The following ANKMY1 variants were observed in gnomAD, a reference collection of about 807,000 sequenced individuals.
ANKMY1 encodes ankyrin repeat and MYND domain-containing protein 1.
Under a neutral mutation model 102.0 loss-of-function variants are expected in ANKMY1, and 98 were observed. The ratio of observed to expected loss-of-function variants is 0.96; its 90% confidence interval spans 0.82 to 1.14. The LOEUF is 1.14. Among genes scored for constraint, ANKMY1 ranks in the 50% most tolerant of loss-of-function variants. The pLI, the probability that ANKMY1 is intolerant of heterozygous loss-of-function variation, is 0.00. For missense variants in ANKMY1, 1,330 were observed against 1,347.6 expected (o/e 0.99, Z 0.20); for synonymous variants, 582 against 559.9 (o/e 1.04, Z -0.56).
intron 11 of ANKMY1, among the ~76,000 whole-genome samples, chr2:240,511,149 C>T (rs1032355936): frequency 3.3e-5 from 5 of 152,200 alleles, no homozygotes; most frequent in Admixed American, 1.3e-4. Context: ...TGCCCATCCC[C>T]ATCCCAGTGT....
In ANKMY1 at chr2:240,499,807, A is replaced by T; in HGVS notation, c.2806+151T>A. On this transcript the variant is annotated intron_variant, in intron 15 of 17. Coordinates refer to ENST00000401804, the MANE Select transcript of ANKMY1 (RefSeq NM_001282771.3). This position sits in a 1 kb window ranked among gnomAD's most constrained non-coding sequence, Gnocchi z 4.2. Reference sequence around the variant, plus strand: ...CTCTCCTGGACGAGCTCCTTGGACGACGGGACACAAAGGGGACAAGCCGAC... The same window carrying T: ...CTCTCCTGGACGAGCTCCTTGGACGTCGGGACACAAAGGGGACAAGCCGAC... 1 of 1,019,608 alleles carries T rather than the reference A, an allele frequency of 9.8e-7. No homozygotes were observed. The highest frequency in any genetic ancestry group is 1.8e-5 in the South Asian group (1 of 55,582). The allele number at this position is 1,019,608 out of a possible 1,614,324, so 63.2% of individuals were successfully genotyped here.
rs1283343636 is a variant in ANKMY1 at position 240,557,300 on chromosome 2, G to A, written c.36C>T (p.Asp12=). 11 of 1,589,808 alleles carry A rather than the reference G, an allele frequency of 6.9e-6. No individual in the cohort carries two copies. Among genetic ancestry groups the A allele is most frequent in the Middle Eastern group, 1.7e-4 (1 of 5,992 alleles). The change falls in exon 2 of 18, where the codon GAC becomes GAT. Residue 12 remains aspartate (D), a synonymous_variant. Transcript: ENST00000401804. ...GGCGGCTGCCAGCCCCAGAGACTTC[G>A]TCCTCTAAGCTAAGGGAGGCATGGG... ...EGAHASLSLE[D]EVSGAGSRQR... is the part of the protein sequence containing the mutation.
intron 15 of ANKMY1, among the ~76,000 whole-genome samples, chr2:240,484,751 A>C (rs2075844247): frequency 6.6e-6 from 1 of 152,224 alleles, no homozygotes; most frequent in Non-Finnish European, 1.5e-5. Context: ...AACTATCATC[A>C]GAGTGAACAG....
In ANKMY1 at chr2:240,479,591, G is replaced by A. The variant is rs770187300; in HGVS notation, c.*18C>T. ...CAGTCCTGGGTCCTCCCCAAGCCTCGGACGTGCAGCTGCTGCTTCACTGGA... is the reference window on the plus strand; with the variant it reads ...CAGTCCTGGGTCCTCCCCAAGCCTCAGACGTGCAGCTGCTGCTTCACTGGA... On this transcript the variant is annotated 3_prime_UTR_variant, in exon 18 of 18. Coordinates refer to ENST00000401804, the MANE Select transcript of ANKMY1 (RefSeq NM_001282771.3). 1.7e-5 allele frequency: 28 copies of A among 1,613,704 alleles called. No individual in the cohort carries two copies. In the East Asian group the frequency reaches 1.8e-4, roughly 10 times the overall value.
chr2:240,495,335 G>T (rs186033230), intron 15 of ANKMY1, among the ~76,000 whole-genome samples: 35 of 152,070 alleles, frequency 2.3e-4, no homozygotes, highest in Non-Finnish European at 8.8e-5. Context: ...TGTCAGGCCC[G>T]CCCACAGTTA....
At chr2:240,514,361 G>C (rs977627301) in intron 9 of ANKMY1, among the ~76,000 whole-genome samples, 1 of 152,136 alleles carries the variant, frequency 6.6e-6, no homozygotes, top group African/African-American at 2.4e-5. Flanking sequence ...CAGACCCACA[G>C]CTCTGACCCA....
At chr2:240,559,115 C>CA (rs2092717666), upstream of ANKMY1, among the ~76,000 whole-genome samples, 1 of 152,164 alleles carries the variant, frequency 6.6e-6, no homozygotes, top group Non-Finnish European at 1.5e-5. Context: ...GTCCAGGAGA[C>CA]AGAGGCTGGC....
intron 4 of ANKMY1, chr2:240,532,185 C>A (rs1397386023): frequency 2.2e-6 from 1 of 445,078 alleles, no homozygotes; most frequent in Non-Finnish European, 4.6e-6. Flanking sequence ...AAAGAAGAGA[C>A]AGAATATATT....
At chr2:240,538,558 C>G (rs950381234) in intron 4 of ANKMY1, among the ~76,000 whole-genome samples, 2 of 152,160 alleles carry the variant, frequency 1.3e-5, no homozygotes, top group African/African-American at 4.8e-5. Flanking sequence ...TGCCCGAGCG[C>G]CCCCACCTCC....
In ANKMY1 at chr2:240,525,853, G is replaced by A; in HGVS notation, c.1171-4C>T. On this transcript the variant is annotated splice_polypyrimidine_tract_variant and splice_region_variant and intron_variant, in intron 6 of 17. Transcript: ENST00000401804. The stretch of plus-strand genomic sequence containing the variant: ...CAATGTCGTTGTGGCAGTGAGTCTG[G>A]AGGGAGATGAGGCAGGACTCAGGAT... 1 of 1,613,588 alleles carries A rather than the reference G, an allele frequency of 6.2e-7. No individual in the cohort carries two copies. The highest frequency in any genetic ancestry group is 8.5e-7 in the Non-Finnish European group (1 of 1,179,798).
At chr2:240,531,139 A>T (rs2085292421) in intron 4 of ANKMY1, among the ~76,000 whole-genome samples, 1 of 152,212 alleles carries the variant, frequency 6.6e-6, no homozygotes, top group Non-Finnish European at 1.5e-5. Context: ...ATATGAAAAA[A>T]TGTCCAACAT....
intron 15 of ANKMY1, among the ~76,000 whole-genome samples, chr2:240,494,259 G>T (rs2151956831): frequency 6.6e-6 from 1 of 152,292 alleles, no homozygotes; most frequent in Middle Eastern, 3.4e-3. Context: ...ACTGGAGAGG[G>T]TGGGGCCAAC....
intron 4 of ANKMY1, among the ~76,000 whole-genome samples, chr2:240,542,377 C>G (rs969095729): frequency 6.6e-6 from 1 of 151,916 alleles, no homozygotes; most frequent in Non-Finnish European, 1.5e-5. Context: ...TGGTGGCAGG[C>G]GCCTGTAATC....
At position 240,526,262 on chromosome 2, in the gene ANKMY1, G is replaced by A. The variant is rs376182663; in HGVS notation, c.1137C>T (p.Asp379=). ...KDNFASADVA[D]AKGYTVLAAA... ...CAGCAAGCACAGTGTAGCCCTTTGCGTCCGCCACGTCAGCACTAGCAAAGT... is the reference window on the plus strand; with the variant it reads ...CAGCAAGCACAGTGTAGCCCTTTGCATCCGCCACGTCAGCACTAGCAAAGT... Residue 379 remains aspartate, a synonymous_variant, in exon 6 of 18, where the codon GAC becomes GAT. Transcript: ENST00000401804. The A allele has an allele frequency of 1.2e-4, 190 of 1,614,124 alleles. 1 individual carries two copies. The highest frequency in any genetic ancestry group is 2.5e-4 in the Admixed American group (15 of 60,034).
rs567190217 is a variant in ANKMY1, at chr2:240,520,727, C to T, written c.1833-194G>A. Among the ~76,000 whole-genome samples the T allele has an allele frequency of 2.2e-4, 34 of 151,702 alleles. No homozygotes were observed. Among genetic ancestry groups the T allele is most frequent in the Middle Eastern group, 3.4e-3 (1 of 292 alleles). On this transcript the variant is annotated intron_variant, in intron 8 of 17. Coordinates refer to ENST00000401804, the MANE Select transcript of ANKMY1 (RefSeq NM_001282771.3). This position sits in a 1 kb window ranked among gnomAD's most constrained non-coding sequence, Gnocchi z 4.8. The stretch of plus-strand genomic sequence containing the variant: ...ACAGCACACAACTACACACAAGCCA[C>T]ACCAGAGCGCACACACACGGCACAC...
intron 4 of ANKMY1, among the ~76,000 whole-genome samples, chr2:240,543,853 A>G (rs2089638150): frequency 6.6e-6 from 1 of 152,198 alleles, no homozygotes; most frequent in South Asian, 2.1e-4. Context: ...GATATGGGGA[A>G]ATATGTTTCT....
chr2:240,475,374 G>A (rs1000356590), downstream of ANKMY1, among the ~76,000 whole-genome samples: 1 of 151,660 alleles, frequency 6.6e-6, no homozygotes, highest in African/African-American at 2.4e-5. Flanking sequence ...TGAACTATCT[G>A]AAAAGGAAAT....
chr2:240,538,471 G>C (rs937644455), intron 4 of ANKMY1, among the ~76,000 whole-genome samples: 2 of 152,272 alleles, frequency 1.3e-5, no homozygotes, highest in Admixed American at 6.5e-5. Flanking sequence ...CTGCCAGCCC[G>C]CCAGCGCTGC....
At chr2:240,507,047 T>A (rs1025072923) in intron 13 of ANKMY1, among the ~76,000 whole-genome samples, 3 of 151,546 alleles carry the variant, frequency 2.0e-5, no homozygotes, top group Non-Finnish European at 2.9e-5. Context: ...CAAGGTGAGG[T>A]CTATGTCTAT....
Sources: allele counts gnomAD v4.1 joint callset (sites outside exome capture counted in the v4.1 genomes callset), GRCh38; gene constraint gnomAD v4.1.1; non-coding constraint Gnocchi (gnomAD v3.1); transcripts MANE v1.5; gene names NCBI Gene and HGNC (gene_info 2026-07-23, HGNC 2026-07-21).